The following CPED1 variants were observed in gnomAD, a reference collection of about 807,000 sequenced individuals.
CPED1 encodes cadherin like and PC-esterase domain containing 1, also known as cadherin-like and PC-esterase domain-containing protein 1.
In CPED1, 114 loss-of-function variants were observed where a neutral mutation model predicts 128.2. The observed-to-expected ratio is 0.89, with a 90% confidence interval of 0.76 to 1.04. The LOEUF (loss-of-function observed/expected upper bound fraction) is 1.04, where lower values mean the gene tolerates loss of function less well. Ranked by LOEUF, CPED1 falls within the 50% of genes least tolerant of loss-of-function variation. The pLI is 0.00. For synonymous variants in CPED1, 462 were observed against 426.7 expected, an observed-to-expected ratio of 1.08 and a Z score of -1.02; for missense variants, 1,211 against 1,207.1, an observed-to-expected ratio of 1.00 and a Z score of -0.05.
At chr7:121,185,792 T>C (rs1042377840) in intron 16 of CPED1, among the ~76,000 whole-genome samples, 2 of 152,220 alleles carry the variant, frequency 1.3e-5, no homozygotes, top group African/African-American at 4.8e-5. Context: ...CACAGTTTCC[T>C]GATGGATTTT....
chr7:121,024,792 A>G lies in CPED1; in HGVS notation c.433+8944A>G, dbSNP rs543472802. Among the ~76,000 whole-genome samples the G allele has an allele frequency of 2.0e-5, 3 of 152,312 alleles. No individual in the cohort carries two copies. The South Asian group carries it at 6.2e-4, about 32-fold the overall frequency. ...TGGCAGATTTAATTTGTAAAAACAC[A>G]TAATATCCGAATTACATTTAGATTG... On this transcript the variant is annotated intron_variant, in intron 3 of 22. Transcript: ENST00000310396.
chr7:121,254,676 A>C (rs1322425567), intron 18 of CPED1, among the ~76,000 whole-genome samples: 1 of 151,986 alleles, frequency 6.6e-6, no homozygotes. Flanking sequence ...TAACAACAAC[A>C]AAAAAGAGAG....
At chr7:121,016,869 A>G (rs1792315967) in intron 3 of CPED1, among the ~76,000 whole-genome samples, 1 of 152,204 alleles carries the variant, frequency 6.6e-6, no homozygotes, top group South Asian at 2.1e-4. Context: ...AAGTGCTCTC[A>G]GCCATTGGTT....
chr7:121,129,172 A>G (rs111979214), intron 11 of CPED1, among the ~76,000 whole-genome samples: 1 of 151,004 alleles, frequency 6.6e-6, no homozygotes, highest in African/African-American at 2.4e-5. Flanking sequence ...AGATTTGTTC[A>G]TATGAAATAT....
chr7:121,085,468 A>G (rs1244098731), intron 5 of CPED1, among the ~76,000 whole-genome samples: 1 of 151,226 alleles, frequency 6.6e-6, no homozygotes, highest in Non-Finnish European at 1.5e-5. Context: ...CATCTCACAG[A>G]TAACTTGAAA....
In CPED1 at chr7:121,022,801, C is replaced by T. The variant is rs562031499; in HGVS notation, c.433+6953C>T. On this transcript the variant is annotated intron_variant, in intron 3 of 22. Transcript: ENST00000310396. ...CCGCGTCATATCACTTAGGTCCTAT[C>T]TGCATCCTCTATATTATGCTCTGTA... is the stretch of plus-strand genomic sequence containing the variant. Among the ~76,000 whole-genome samples the T allele has an allele frequency of 7.2e-5, 11 of 152,228 alleles. No homozygotes were observed. The South Asian group carries it at 2.3e-3, about 32-fold the overall frequency.
At chr7:121,112,622 C>T (rs542402394) in intron 7 of CPED1, among the ~76,000 whole-genome samples, 45 of 152,264 alleles carry the variant, frequency 3.0e-4, no homozygotes, top group Non-Finnish European at 1.2e-4. Context: ...TAAATTGTGA[C>T]GTTTGTAGCA....
At chr7:120,996,324 T>C (rs1796404830) in intron 2 of CPED1, among the ~76,000 whole-genome samples, 1 of 151,462 alleles carries the variant, frequency 6.6e-6, no homozygotes, top group African/African-American at 2.5e-5. Context: ...AAATTTTTAA[T>C]AGAGGTAAAA....
intron 7 of CPED1, among the ~76,000 whole-genome samples, chr7:121,123,629 G>A (rs144745585): frequency 1.9e-3 from 291 of 152,242 alleles, no homozygotes; most frequent in African/African-American, 6.6e-3. Context: ...AATAAAAACA[G>A]CTATTTGTGA....
intron 16 of CPED1, among the ~76,000 whole-genome samples, chr7:121,162,384 C>T (rs1272002209): frequency 6.6e-6 from 1 of 152,130 alleles, no homozygotes; most frequent in East Asian, 1.9e-4. Context: ...AAAGGGAAGC[C>T]TCTGCAAGGC....
intron 4 of CPED1, among the ~76,000 whole-genome samples, chr7:121,061,807 G>A (rs1420195713): frequency 6.6e-6 from 1 of 152,162 alleles, no homozygotes; most frequent in African/African-American, 2.4e-5. Context: ...GTATTACTAG[G>A]TTTAACAATT....
At chr7:121,159,921 G>C (rs1042395117) in intron 16 of CPED1, among the ~76,000 whole-genome samples, 1 of 152,056 alleles carries the variant, frequency 6.6e-6, no homozygotes, top group Non-Finnish European at 1.5e-5. Context: ...TAAAAGTTAT[G>C]ATCTAGGTTA....
intron 16 of CPED1, among the ~76,000 whole-genome samples, chr7:121,167,452 C>T (rs995745007): frequency 6.6e-6 from 1 of 152,144 alleles, no homozygotes; most frequent in Non-Finnish European, 1.5e-5. Context: ...TCCACTAGTT[C>T]TGGAGAGTTT....
intron 3 of CPED1, among the ~76,000 whole-genome samples, chr7:121,025,584 G>A (rs886976146): frequency 5.3e-5 from 8 of 152,068 alleles, no homozygotes; most frequent in African/African-American, 1.4e-4. Context: ...CACCTTGCTC[G>A]TGGTATGGGT....
At chr7:121,245,821 G>A (rs1774981538) in intron 18 of CPED1, among the ~76,000 whole-genome samples, 1 of 151,852 alleles carries the variant, frequency 6.6e-6, no homozygotes, top group Admixed American at 6.6e-5. Flanking sequence ...CTCCCGAGTA[G>A]CTGGGATTAC....
At chr7:121,123,401 T>G (rs1008838583) in intron 7 of CPED1, among the ~76,000 whole-genome samples, 4 of 152,172 alleles carry the variant, frequency 2.6e-5, no homozygotes, top group Non-Finnish European at 5.9e-5. Flanking sequence ...TCTGGATAGA[T>G]TTAGTCTGTT....
In CPED1 at chr7:121,266,404, T is replaced by C. The variant is rs1271984269; in HGVS notation, c.2488T>C (p.Leu830=). 2 of 1,613,224 alleles carry C rather than the reference T, an allele frequency of 1.2e-6. No homozygotes were observed. The highest frequency in any genetic ancestry group is 1.7e-6 in the Non-Finnish European group (2 of 1,179,434). ...YYPQFWISPS[L]RPTFENALEH... The stretch of plus-strand genomic sequence containing the variant: ...TCCCCAGTTCTGGATAAGCCCTTCA[T>C]TGAGACCAACATTTGAAAATGCACT... The change falls in exon 19 of 23, where the codon TTG becomes CTG. Residue 830 remains leucine (L), a synonymous_variant. Coordinates refer to ENST00000310396, the MANE Select transcript of CPED1 (RefSeq NM_024913.5).
chr7:121,181,455 T>C (rs904502491), intron 16 of CPED1, among the ~76,000 whole-genome samples: 4 of 152,068 alleles, frequency 2.6e-5, no homozygotes, highest in African/African-American at 9.7e-5. Flanking sequence ...TGGATGGAAT[T>C]AAAGATATTT....
At chr7:121,277,827 T>C (rs1251229270) in intron 22 of CPED1, among the ~76,000 whole-genome samples, 1 of 152,126 alleles carries the variant, frequency 6.6e-6, no homozygotes, top group African/African-American at 2.4e-5. Flanking sequence ...CACCAATATT[T>C]AAGCAAAGTC....
Sources: allele counts gnomAD v4.1 joint callset (sites outside exome capture counted in the v4.1 genomes callset), GRCh38; gene constraint gnomAD v4.1.1; transcripts MANE v1.5; gene names NCBI Gene and HGNC (gene_info 2026-07-23, HGNC 2026-07-21).